The following SIPA1L1 variants were observed in gnomAD, a reference collection of about 807,000 sequenced individuals.
SIPA1L1 encodes signal-induced proliferation-associated 1-like protein 1.
In SIPA1L1, 26 loss-of-function variants were observed where a neutral mutation model predicts 162.7. The ratio of observed to expected loss-of-function variants is 0.16; its 90% CI spans 0.12 to 0.22. SIPA1L1 has a LOEUF of 0.22. Among genes scored for constraint, SIPA1L1 ranks in the 10% least tolerant of loss-of-function variants. The probability of loss-of-function intolerance (pLI) is 1.00; values close to 1 mark genes in which losing one functional copy is unlikely to be tolerated. For synonymous variants in SIPA1L1, 829 were observed against 837.4 expected (o/e 0.99, Z 0.17); for missense variants, 1,874 against 2,241.0 (o/e 0.84, Z 3.31).
At chr14:71,704,494 G>C (rs555384074) in intron 15 of SIPA1L1, among the ~76,000 whole-genome samples, 102 of 152,272 alleles carry the variant, frequency 6.7e-4, no homozygotes, top group Admixed American at 1.3e-3. Context: ...TCTGCTTTTG[G>C]AAATGGTTGA....
At chr14:71,713,463 T>C (rs547490155) in intron 17 of SIPA1L1, among the ~76,000 whole-genome samples, 1 of 152,242 alleles carries the variant, frequency 6.6e-6, no homozygotes, top group Non-Finnish European at 1.5e-5. Flanking sequence ...GGAAAAACTT[T>C]AGAACAGCTA....
chr14:71,458,582 A>G (rs1215733623), intron 2 of SIPA1L1, among the ~76,000 whole-genome samples: 2 of 152,224 alleles, frequency 1.3e-5, no homozygotes, highest in Non-Finnish European at 2.9e-5. Context: ...GAGATATTAT[A>G]TAATAAGAAG....
intron 2 of SIPA1L1, among the ~76,000 whole-genome samples, chr14:71,488,030 A>G (rs1418213433): frequency 1.3e-5 from 2 of 152,204 alleles, no homozygotes; most frequent in Admixed American, 6.5e-5. Context: ...TGCAGATGCT[A>G]TGCTTTCACT....
chr14:71,357,015 G>A (rs2037341271), intron 2 of SIPA1L1, among the ~76,000 whole-genome samples: 1 of 152,094 alleles, frequency 6.6e-6, no homozygotes, highest in Admixed American at 6.5e-5. Flanking sequence ...CTGATGGTGG[G>A]TTAGCAGAAT....
At chr14:71,462,349 GC>G (rs1283809916) in intron 2 of SIPA1L1, among the ~76,000 whole-genome samples, 1 of 152,184 alleles carries the variant, frequency 6.6e-6, no homozygotes, top group African/African-American at 2.4e-5. Flanking sequence ...GGGTCATATG[GC>G]CCAAGTGGCA....
At chr14:71,322,594 T>G (rs1446221174) in intron 2 of SIPA1L1, among the ~76,000 whole-genome samples, 1 of 152,202 alleles carries the variant, frequency 6.6e-6, no homozygotes, top group Non-Finnish European at 1.5e-5. Flanking sequence ...ATTAAAACAT[T>G]TTTCCCATGG....
intron 2 of SIPA1L1, among the ~76,000 whole-genome samples, chr14:71,444,024 C>G (rs940523823): frequency 1.3e-5 from 2 of 152,190 alleles, no homozygotes; most frequent in African/African-American, 4.8e-5. Flanking sequence ...TCCAGACAAT[C>G]TTGTTTTTCT....
chr14:71,455,786 T>C (rs1191201580), intron 2 of SIPA1L1, among the ~76,000 whole-genome samples: 1 of 152,204 alleles, frequency 6.6e-6, no homozygotes, highest in Non-Finnish European at 1.5e-5. Flanking sequence ...ATATGTTTGC[T>C]TTCAATGCCT....
rs113248861 is a variant in SIPA1L1 at position 71,547,956 on chromosome 14, A to C, written c.-303+18586A>C. ...CTACTTGGGAGGCTGAGGCACAAGAATCCCTTGCCTCTCTTATTCAGTAGC... is the reference window on the plus strand; with the variant it reads ...CTACTTGGGAGGCTGAGGCACAAGACTCCCTTGCCTCTCTTATTCAGTAGC... On this transcript the variant is annotated intron_variant, in intron 4 of 23. Transcript: ENST00000381232. Among the ~76,000 whole-genome samples the C allele has an allele frequency of 4.3e-3, 650 of 152,332 alleles. 6 individuals are homozygous for C. The highest frequency in any genetic ancestry group is 0.015 in the African/African-American group (612 of 41,574).
intron 2 of SIPA1L1, among the ~76,000 whole-genome samples, chr14:71,356,786 T>A (rs966011526): frequency 6.6e-6 from 1 of 151,394 alleles, no homozygotes; most frequent in Non-Finnish European, 1.5e-5. Context: ...TGTGTTACTT[T>A]AAAATTCTAT....
At chr14:71,400,234 G>A (rs1417663184) in intron 2 of SIPA1L1, among the ~76,000 whole-genome samples, 1 of 152,168 alleles carries the variant, frequency 6.6e-6, no homozygotes, top group South Asian at 2.1e-4. Flanking sequence ...GGCATACTTT[G>A]TAAGGTGCCT....
At position 71,700,703 on chromosome 14, in the gene SIPA1L1, A is replaced by G. The variant is rs372356764; in HGVS notation, c.3521+1576A>G. Among the ~76,000 whole-genome samples the G allele has an allele frequency of 5.8e-4, 88 of 152,332 alleles. 1 individual carries two copies. In the South Asian group the frequency reaches 0.018, roughly 32 times the overall value. Reference sequence around the variant, plus strand: ...CAGTAACTGGGGGGATGATATAATAAGAGTTTTATTGGCTGGTACGGTGGC... The same window carrying G: ...CAGTAACTGGGGGGATGATATAATAGGAGTTTTATTGGCTGGTACGGTGGC... On this transcript the variant is annotated intron_variant, in intron 14 of 23. Transcript: ENST00000381232.
At chr14:71,392,689 G>C (rs540418664) in intron 2 of SIPA1L1, among the ~76,000 whole-genome samples, 1 of 151,922 alleles carries the variant, frequency 6.6e-6, no homozygotes, top group Non-Finnish European at 1.5e-5. Context: ...CACCACGCCC[G>C]GCTAATTTTT....
chr14:71,517,464 T>C (rs1245116261), intron 3 of SIPA1L1, among the ~76,000 whole-genome samples: 4 of 152,340 alleles, frequency 2.6e-5, no homozygotes, highest in South Asian at 4.1e-4. Context: ...TGTTGGAATT[T>C]GAGTTGTTTG....
In SIPA1L1 at chr14:71,529,344, T is replaced by G; in HGVS notation, c.-329T>G. 1.5e-6 allele frequency: 1 copy of G among 684,388 alleles called. No individual in the cohort carries two copies. The highest frequency in any genetic ancestry group is 1.6e-5 in the South Asian group (1 of 64,056). The allele number at this position is 684,388 out of a possible 1,614,324, so 42.4% of individuals were successfully genotyped here. ...CTTATTGGTGTGGACGTTGTCTAAA[T>G]TTCGGTAGCCATGGCACAAGAATAT... On this transcript the variant is annotated 5_prime_UTR_variant, in exon 4 of 24. Transcript: ENST00000381232.
chr14:71,417,651 G>A (rs1748117288), intron 2 of SIPA1L1, among the ~76,000 whole-genome samples: 1 of 151,864 alleles, frequency 6.6e-6, no homozygotes, highest in African/African-American at 2.4e-5. Flanking sequence ...TGGCAGAGGT[G>A]GAGGAGGAGG....
At chr14:71,467,360 C>T (rs2047083875) in intron 2 of SIPA1L1, 1 of 152,104 alleles carries the variant, frequency 6.6e-6, no homozygotes, top group African/African-American at 2.4e-5. Flanking sequence ...AAGAAGCATT[C>T]GTCATTCACT....
At chr14:71,435,186 T>A (rs1480879358) in intron 2 of SIPA1L1, among the ~76,000 whole-genome samples, 2 of 152,170 alleles carry the variant, frequency 1.3e-5, no homozygotes, top group Admixed American at 6.5e-5. Context: ...TCTTTTTTTT[T>A]AAATTATACT....
intron 2 of SIPA1L1, among the ~76,000 whole-genome samples, chr14:71,370,345 C>G (rs2038766515): frequency 6.6e-6 from 1 of 151,996 alleles, no homozygotes; most frequent in African/African-American, 2.4e-5. Context: ...CCATCAATAC[C>G]TGATTTATTG....
Sources: gnomAD v4.1 joint callset for allele counts (sites outside exome capture counted in the v4.1 genomes callset) on GRCh38, gnomAD v4.1.1 for gene constraint, MANE v1.5 for transcripts, NCBI Gene and HGNC (gene_info 2026-07-23, HGNC 2026-07-21) for gene names.